Variants in AXIN1 observed in about 807,000 individuals in gnomAD.
The protein encoded by AXIN1 is axin-1.
In AXIN1, 30 loss-of-function variants were observed where a neutral mutation model predicts 76.4. The observed-to-expected ratio is 0.39, with a 90% CI of 0.29 to 0.53. The LOEUF (loss-of-function observed/expected upper bound fraction) is 0.53. Among genes scored for constraint, AXIN1 ranks in the 20% least tolerant of loss-of-function variants. The pLI is 0.66. For missense variants in AXIN1, 1,140 were observed against 1,198.8 expected, an observed-to-expected ratio of 0.95 and a Z score of 0.72; for synonymous variants, 545 against 501.4, an observed-to-expected ratio of 1.09 and a Z score of -1.16.
Position 304,303 on chromosome 16 carries a change from C to T in AXIN1, c.1254+1G>A, listed in dbSNP as rs2141544957. On this transcript the variant is annotated splice_donor_variant, in intron 5 of 10. Coordinates refer to ENST00000262320, the MANE Select transcript of AXIN1 (RefSeq NM_003502.4). LOFTEE classifies it high-confidence loss of function. ...GCGCGACACCGACGCGGCCCACTCA[C>T]CATGCGCACGCGCTTCAGCCGCTCC... 1 of 1,610,950 alleles carries T rather than the reference C, an allele frequency of 6.2e-7. No homozygotes were observed. Among genetic ancestry groups the T allele is most frequent in the Non-Finnish European group, 8.5e-7 (1 of 1,179,348 alleles).
chr16:334,331 A>G (rs1312423091), intron 2 of AXIN1, among the ~76,000 whole-genome samples: 2 of 148,868 alleles, frequency 1.3e-5, no homozygotes, highest in Non-Finnish European at 3.0e-5. Flanking sequence ...TGGCACGCTA[A>G]TTACACAGCA....
At chr16:314,441 G>A in intron 3 of AXIN1, 102 bp downstream of exon 3, 8 of 1,553,964 alleles carry the variant, frequency 5.1e-6, no homozygotes, top group Non-Finnish European at 7.0e-6. Context: ...CAGGGTGTCT[G>A]GGGCAGGACT....
chr16:304,124 C>G (rs2052950011), intron 5 of AXIN1, among the ~76,000 whole-genome samples, 180 bp downstream of exon 5: 1 of 152,200 alleles, frequency 6.6e-6, no homozygotes, highest in African/African-American at 2.4e-5. Flanking sequence ...CTGGGACATC[C>G]CATCTTGAGC....
At chr16:303,829 C>T (rs775426861) in intron 5 of AXIN1, among the ~76,000 whole-genome samples, 1 of 152,202 alleles carries the variant, frequency 6.6e-6, no homozygotes, top group East Asian at 1.9e-4. Flanking sequence ...CCTAGAGGGC[C>T]GTGCACCATG....
At chr16:325,749 G>C (rs554949316) in intron 2 of AXIN1, among the ~76,000 whole-genome samples, 6 of 152,284 alleles carry the variant, frequency 3.9e-5, no homozygotes, top group Admixed American at 6.5e-5. Flanking sequence ...TCCCCAACAC[G>C]GCACCTTGCT....
In AXIN1 at chr16:304,259, A is replaced by C. The variant is rs576329862; in HGVS notation, c.1254+45T>G. The C allele has an allele frequency of 1.9e-6, 3 of 1,599,978 alleles. No homozygotes were observed. The East Asian group carries it at 6.7e-5, about 36-fold the overall frequency. On this transcript the variant is annotated intron_variant, in intron 5 of 10. Transcript: ENST00000262320. ...CAGGACATCCCGGCGGCAAGAAAAC[A>C]GCACGACACCGACGCGGAGCGCGAC...
At chr16:303,150 C>T (rs925091090) in intron 5 of AXIN1, among the ~76,000 whole-genome samples, 2 of 152,170 alleles carry the variant, frequency 1.3e-5, no homozygotes, top group African/African-American at 4.8e-5. Flanking sequence ...GTGTGCACTG[C>T]CCGCCCGGCC....
In AXIN1 at chr16:287,872, C is replaced by A; in HGVS notation, c.*250G>T. Reference sequence around the variant, plus strand: ...CTGGCAGCAGGGACCTCGGCTGCCTCACTTGGGCTGGGCCCTCCAAGTATT... The same window carrying A: ...CTGGCAGCAGGGACCTCGGCTGCCTAACTTGGGCTGGGCCCTCCAAGTATT... On this transcript the variant is annotated 3_prime_UTR_variant, in exon 11 of 11. Transcript: ENST00000262320. 1.7e-6 allele frequency: 1 copy of A among 600,262 alleles called. No individual in the cohort carries two copies. Among genetic ancestry groups the A allele is most frequent in the South Asian group, 1.9e-5 (1 of 51,906 alleles). The allele number at this position is 600,262 out of a possible 1,614,324, so 37.2% of individuals were successfully genotyped here. A position where few individuals can be genotyped will look rare whatever the true frequency, so the allele number is the denominator to read the frequency against.
At chr16:299,609 C>T (rs1221598781) in intron 5 of AXIN1, among the ~76,000 whole-genome samples, 3 of 152,038 alleles carry the variant, frequency 2.0e-5, no homozygotes, top group Non-Finnish European at 4.4e-5. Context: ...CCACCCTCGG[C>T]CTCCCAAAGT....
At chr16:291,536 T>G (rs79294792) in intron 8 of AXIN1, 25 of 562,616 alleles carry the variant, frequency 4.4e-5, no homozygotes, top group East Asian at 6.2e-5. Flanking sequence ...ACCCCCTGAG[T>G]TCCCTGGACC....
chr16:314,454 C>T (rs2053252976), intron 3 of AXIN1, 89 bp downstream of exon 3: 3 of 1,582,988 alleles, frequency 1.9e-6, no homozygotes, highest in Middle Eastern at 4.5e-4. Flanking sequence ...GCAGGACTTA[C>T]ACATTGCTGT....
intron 10 of AXIN1, among the ~76,000 whole-genome samples, chr16:288,678 T>G (rs2052461250): frequency 6.6e-6 from 1 of 152,220 alleles, no homozygotes; most frequent in Middle Eastern, 3.2e-3. Flanking sequence ...CGCCAGGCTC[T>G]GCCAGGCTCT....
intron 1 of AXIN1, among the ~76,000 whole-genome samples, chr16:349,290 A>C (rs1338618204): frequency 6.6e-6 from 1 of 152,142 alleles, no homozygotes; most frequent in Non-Finnish European, 1.5e-5. Context: ...GTCAAGGCCC[A>C]GTGAGCTGTG....
At chr16:349,875 T>C (rs2054107765) in intron 1 of AXIN1, among the ~76,000 whole-genome samples, 1 of 152,232 alleles carries the variant, frequency 6.6e-6, no homozygotes, top group Non-Finnish European at 1.5e-5. Context: ...CTCAGCTCAC[T>C]GCAGCCTCAG....
intron 2 of AXIN1, among the ~76,000 whole-genome samples, chr16:341,503 G>C (rs2141684664): frequency 6.6e-6 from 1 of 152,364 alleles, no homozygotes; most frequent in South Asian, 2.1e-4. Context: ...CTTCCTGCAG[G>C]GCAGGGCTCG....
chr16:304,346 C>A lies in AXIN1; in HGVS notation c.1212G>T (p.Glu404Asp), dbSNP rs2141545719. 1 of 1,612,562 alleles carries A rather than the reference C, an allele frequency of 6.2e-7. No individual in the cohort carries two copies. The highest frequency in any genetic ancestry group is 8.5e-7 in the Non-Finnish European group (1 of 1,179,864). ...HRLEAVQRTR[E>D]AEEKLEERLK... ...GCCGCTCCTCCAGCTTCTCCTCGGC[C>A]TCCCGCGTGCGCTGCACAGCCTCCA... The change falls in exon 5 of 11, where the codon GAG (glutamate) becomes GAT (aspartate). Residue 404 changes from glutamate to aspartate, a missense_variant. By Grantham distance (45) the Glu-to-Asp change is conservative. Coordinates refer to ENST00000262320, the MANE Select transcript of AXIN1 (RefSeq NM_003502.4).
At chr16:322,573 G>A (rs1243776534) in intron 2 of AXIN1, among the ~76,000 whole-genome samples, 1 of 152,186 alleles carries the variant, frequency 6.6e-6, no homozygotes, top group East Asian at 1.9e-4. Context: ...CAAAGCAAGT[G>A]GGACCTGGCT....
In AXIN1 at chr16:304,312, C is replaced by T. The variant is rs1432410713; in HGVS notation, c.1246G>A (p.Val416Met). 5.6e-6 allele frequency: 9 copies of T among 1,611,308 alleles called. No homozygotes were observed. Among genetic ancestry groups the T allele is most frequent in the South Asian group, 4.4e-5 (4 of 91,054 alleles). ...CGACGCGGCCCACTCACCATGCGCA[C>T]GCGCTTCAGCCGCTCCTCCAGCTTC... Reference protein sequence around the residue: ...EEKLEERLKRVRMEEEGEDGD... With the variant: ...EEKLEERLKRMRMEEEGEDGD... The change falls in exon 5 of 11, where the codon GTG (valine) becomes ATG (methionine). Residue 416 changes from valine (V) to methionine (M), a missense_variant. By Grantham distance (21) the Val-to-Met change is conservative. Around this residue, in one of 3 missense-constraint regions of AXIN1, gnomAD observed 708 missense variants for 776.9 expected, o/e 0.91. Coordinates refer to ENST00000262320, the MANE Select transcript of AXIN1 (RefSeq NM_003502.4).
chr16:322,214 A>C (rs2053474835), intron 2 of AXIN1, among the ~76,000 whole-genome samples: 2 of 152,296 alleles, frequency 1.3e-5, no homozygotes, highest in South Asian at 2.1e-4. Context: ...GGGTGGCTGC[A>C]AACAGTGGTG....
Sources: gnomAD v4.1 joint callset for allele counts (sites outside exome capture counted in the v4.1 genomes callset) on GRCh38, gnomAD v4.1.1 for gene constraint, gnomAD v4.1.1 regional missense constraint, MANE v1.5 for transcripts, NCBI Gene and HGNC (gene_info 2026-07-23, HGNC 2026-07-21) for gene names.